Variants in LRP2 observed in about 807,000 individuals in gnomAD.
LRP2 encodes the protein LDL receptor related protein 2, also known as low-density lipoprotein receptor-related protein 2.
LRP2 carries 172 observed loss-of-function variants against 531.0 expected under a neutral mutation model. The ratio of observed to expected loss-of-function variants is 0.32; its 90% confidence interval spans 0.29 to 0.37. LRP2 has a LOEUF of 0.37. LRP2 is among the 10% of genes least tolerant of loss of function. The pLI is 1.00. For missense variants in LRP2, 5,167 were observed against 5,868.3 expected (o/e 0.88, Z 3.90); for synonymous variants, 1,992 against 2,027.6 (o/e 0.98, Z 0.47).
At chr2:169,283,082 T>C in intron 9 of LRP2, 81 bp from the exon 10 acceptor site, 1 of 1,434,328 alleles carries the variant, frequency 7.0e-7, no homozygotes, top group Non-Finnish European at 9.8e-7. Context: ...CTAGATAAGA[T>C]GGCCAAGAAT....
intron 16 of LRP2, among the ~76,000 whole-genome samples, chr2:169,265,419 A>C (rs1459001073): frequency 6.6e-6 from 1 of 152,080 alleles, no homozygotes; most frequent in East Asian, 1.9e-4. Flanking sequence ...CTAGCAACTC[A>C]GACACTTGGA....
chr2:169,326,904 G>A (rs1477373218), intron 1 of LRP2, among the ~76,000 whole-genome samples: 44 of 143,762 alleles, frequency 3.1e-4, no homozygotes, highest in Non-Finnish European at 6.1e-4. Context: ...TCTGCCCGGC[G>A]GCGACCCCGT....
Position 169,174,137 on chromosome 2 carries a change from C to G in LRP2, c.10796G>C (p.Trp3599Ser), listed in dbSNP as rs769576428. The G allele has an allele frequency of 6.2e-7, 1 of 1,614,188 alleles. No individual in the cohort carries two copies. The highest frequency in any genetic ancestry group is 2.2e-5 in the East Asian group (1 of 44,888). The change falls in exon 56 of 79, where the codon TGG becomes TCG. Residue 3599 changes from tryptophan (W) to serine (S), a missense_variant. Transcript: ENST00000649046. ...GATGCAACGTTTGTTGGCGCACTGCCATTCATTGGAGTCACAGTGGTGATT... is the reference window on the plus strand; with the variant it reads ...GATGCAACGTTTGTTGGCGCACTGCGATTCATTGGAGTCACAGTGGTGATT... ...CENHHCDSNE[W>S]QCANKRCIPE... is the part of the protein sequence containing the mutation.
At chr2:169,327,058 G>T (rs370090897) in intron 1 of LRP2, among the ~76,000 whole-genome samples, 2 of 151,250 alleles carry the variant, frequency 1.3e-5, no homozygotes, top group African/African-American at 4.9e-5. Context: ...GTCTCCGCCC[G>T]GCAGCCGCCC....
In LRP2 at chr2:169,198,931, T is replaced by C; in HGVS notation, c.8453-20A>G. 6.2e-7 allele frequency: 1 copy of C among 1,610,600 alleles called. No homozygotes were observed. The highest frequency in any genetic ancestry group is 8.5e-7 in the Non-Finnish European group (1 of 1,177,986). On this transcript the variant is annotated intron_variant, in intron 44 of 78. Transcript: ENST00000649046. The stretch of plus-strand genomic sequence containing the variant: ...GATCAGCTTGAAAAAGACAACCAGA[T>C]AAATATTAGGAATATATCCACCAAA...
At chr2:169,304,522 A>G (rs1684364093) in intron 4 of LRP2, among the ~76,000 whole-genome samples, 2 of 152,186 alleles carry the variant, frequency 1.3e-5, no homozygotes, top group South Asian at 4.1e-4. Context: ...ATGGTTTATC[A>G]TTATTATTAA....
intron 50 of LRP2, among the ~76,000 whole-genome samples, chr2:169,183,873 G>C (rs1393645077): frequency 6.6e-6 from 1 of 152,116 alleles, no homozygotes; most frequent in African/African-American, 2.4e-5. Flanking sequence ...TCTAATTTCA[G>C]TGTAGCTAGT....
intron 1 of LRP2, among the ~76,000 whole-genome samples, chr2:169,350,811 C>T (rs1685827938): frequency 6.6e-6 from 1 of 151,554 alleles, no homozygotes; most frequent in Admixed American, 6.6e-5. Flanking sequence ...TTTCAGCAGC[C>T]TGGGGCCCTC....
intron 63 of LRP2, among the ~76,000 whole-genome samples, chr2:169,158,190 A>G (rs555353643): frequency 3.9e-5 from 6 of 152,096 alleles, no homozygotes; most frequent in African/African-American, 7.2e-5. Context: ...ATAAATTAGT[A>G]CACAAGGAAA....
chr2:169,340,759 G>T (rs1312793166), intron 1 of LRP2, among the ~76,000 whole-genome samples: 1 of 152,148 alleles, frequency 6.6e-6, no homozygotes, highest in African/African-American at 2.4e-5. Flanking sequence ...TTAAATGTTT[G>T]TCTTGTTCAA....
Position 169,139,269 on chromosome 2 carries a change from G to A in LRP2, c.13370C>T (p.Ala4457Val). Residue 4457 changes from alanine to valine, a missense_variant, in exon 74 of 79, where the codon GCT becomes GTT. By Grantham distance (64) the Ala-to-Val change is moderately conservative (BLOSUM62 0). Coordinates refer to ENST00000649046, the MANE Select transcript of LRP2 (RefSeq NM_004525.3). ...AACTGACCTTGGCAGCTTGGGCAGAGCAGGCAAAAGGGAGCCGGTCCTTCT... is the reference window on the plus strand; with the variant it reads ...AACTGACCTTGGCAGCTTGGGCAGAACAGGCAAAAGGGAGCCGGTCCTTCT... ...HYRRTGSLLP[A>V]LPKLPSLSSL... 1.2e-6 allele frequency: 2 copies of A among 1,614,178 alleles called. No individual in the cohort carries two copies. The highest frequency in any genetic ancestry group is 2.7e-5 in the African/African-American group (2 of 75,044).
intron 39 of LRP2, 28 bp from the exon 40 acceptor site, chr2:169,206,216 C>A: frequency 6.2e-7 from 1 of 1,614,006 alleles, no homozygotes; most frequent in Non-Finnish European, 8.5e-7. Flanking sequence ...GACACACACA[C>A]AAGCACACAC....
intron 76 of LRP2, 63 bp from the exon 77 acceptor site, chr2:169,132,744 G>C: frequency 3.5e-6 from 3 of 851,146 alleles, no homozygotes; most frequent in Non-Finnish European, 6.2e-6. Context: ...TAAATTTGCT[G>C]TAAAGTTTGT....
chr2:169,273,910 G>A (rs558715589), intron 14 of LRP2, among the ~76,000 whole-genome samples: 1 of 152,246 alleles, frequency 6.6e-6, no homozygotes, highest in East Asian at 1.9e-4. Flanking sequence ...GTTGTGAATT[G>A]AGTGTAAAAA....
intron 61 of LRP2, among the ~76,000 whole-genome samples, chr2:169,166,259 A>G (rs1209097963): frequency 6.6e-6 from 1 of 152,230 alleles, no homozygotes; most frequent in African/African-American, 2.4e-5. Context: ...GAAACAAGAA[A>G]GACACAGTCC....
chr2:169,245,680 G>A (rs75643318), intron 21 of LRP2, among the ~76,000 whole-genome samples: 2,112 of 151,996 alleles, frequency 0.014, 48 homozygotes, highest in African/African-American at 0.048. Flanking sequence ...CTAGATTACC[G>A]TCAAAAGAAG....
At chr2:169,307,255 C>G (rs746224750) in intron 4 of LRP2, 26 bp downstream of exon 4, 1 of 1,468,528 alleles carries the variant, frequency 6.8e-7, no homozygotes, top group Non-Finnish European at 9.6e-7. Context: ...AAACCAAATA[C>G]AGTGCAAGGA....
At position 169,206,332 on chromosome 2, in the gene LRP2, G is replaced by A; in HGVS notation, c.7388C>T (p.Ser2463Leu). The A allele has an allele frequency of 6.2e-7, 1 of 1,614,004 alleles. No homozygotes were observed. The highest frequency in any genetic ancestry group is 8.5e-7 in the Non-Finnish European group (1 of 1,179,974). ...AGCAGCACCTGGAGTGCACTTACCT[G>A]AAGCAATGACAGTTGGAGTATGGAT... The part of the protein sequence containing the change: ...SGIHTPTVIA[S>L]GIGTADGIAF... The change falls in exon 39 of 79, where the codon TCA (serine) becomes TTA (leucine). Residue 2463 changes from serine (S) to leucine (L), a missense_variant and splice_region_variant. Around this residue, in one of 6 missense-constraint regions of LRP2, gnomAD observed 1,129 missense variants for 1,362.7 expected, o/e 0.83. Coordinates refer to ENST00000649046, the MANE Select transcript of LRP2 (RefSeq NM_004525.3).
In LRP2 at chr2:169,202,836, C is replaced by T; in HGVS notation, c.8129G>A (p.Gly2710Glu). The change falls in exon 43 of 79, where the codon GGG (glycine) becomes GAG (glutamate). Residue 2710 changes from glycine to glutamate, a missense_variant. Physicochemically the swap from Gly to Glu is moderately conservative, Grantham distance 98 (BLOSUM62 -2). Transcript: ENST00000649046. ...CGASSFTCSN[G>E]RCISEEWKCD... Reference sequence around the variant, plus strand: ...CTTCCACTCTTCCGAGATGCAGCGCCCATTGGAGCAGGTGAAGGAAGATGC... The same window carrying T: ...CTTCCACTCTTCCGAGATGCAGCGCTCATTGGAGCAGGTGAAGGAAGATGC... The T allele has an allele frequency of 6.2e-7, 1 of 1,614,210 alleles. No individual in the cohort carries two copies. Among genetic ancestry groups the T allele is most frequent in the Non-Finnish European group, 8.5e-7 (1 of 1,180,036 alleles).
Sources: allele counts gnomAD v4.1 joint callset (sites outside exome capture counted in the v4.1 genomes callset), GRCh38; gene constraint gnomAD v4.1.1; regional missense constraint gnomAD v4.1.1; transcripts MANE v1.5; gene names NCBI Gene and HGNC (gene_info 2026-07-23, HGNC 2026-07-21).